The following SLC4A7 variants were observed in gnomAD, a reference collection of about 807,000 sequenced individuals.
SLC4A7 encodes solute carrier family 4 member 7.
Under a neutral mutation model 137.6 loss-of-function variants are expected in SLC4A7, and 51 were observed. The observed-to-expected ratio is 0.37, with a 90% CI of 0.30 to 0.47. The LOEUF (loss-of-function observed/expected upper bound fraction) is 0.47, where lower values mean the gene tolerates loss of function less well. Among genes scored for constraint, SLC4A7 ranks in the 20% least tolerant of loss-of-function variants. SLC4A7 has a pLI of 1.00. For synonymous variants in SLC4A7, 542 were observed against 518.6 expected (o/e 1.05, Z -0.61); for missense variants, 1,247 against 1,525.4 (o/e 0.82, Z 3.04).
chr3:27,414,493 G>A (rs2054200401), intron 11 of SLC4A7, among the ~76,000 whole-genome samples: 1 of 152,062 alleles, frequency 6.6e-6, no homozygotes, highest in Admixed American at 6.5e-5. Context: ...CAGTAAGCTA[G>A]CGAAAAGAAA....
intron 1 of SLC4A7, among the ~76,000 whole-genome samples, chr3:27,460,026 T>C (rs965622250): frequency 4.0e-5 from 6 of 149,962 alleles, no homozygotes; most frequent in African/African-American, 1.2e-4. Context: ...TATATACACA[T>C]ATATATATAT....
chr3:27,398,285 A>G lies in SLC4A7; in HGVS notation c.2496T>C (p.Asp832=), dbSNP rs372420522. ...ACGHHGPYIP[D]VLFWCVILFF... is the part of the protein sequence containing the mutation. ...ACAAGATGACACACCAAAAGAGCACATCTGGAATATAAGGTCCATGATGAC... is the reference window on the plus strand; with the variant it reads ...ACAAGATGACACACCAAAAGAGCACGTCTGGAATATAAGGTCCATGATGAC... The change falls in exon 17 of 26, where the codon GAT becomes GAC. Residue 832 remains aspartate (D), a synonymous_variant. Transcript: ENST00000454389. 1.1e-5 allele frequency: 18 copies of G among 1,613,408 alleles called. No individual in the cohort carries two copies. The African/African-American group carries it at 1.7e-4, about 16-fold the overall frequency.
At chr3:27,483,744 G>C (rs980932876) in intron 1 of SLC4A7, among the ~76,000 whole-genome samples, 4 of 152,128 alleles carry the variant, frequency 2.6e-5, no homozygotes, top group African/African-American at 9.6e-5. Context: ...GGCGAGCGCT[G>C]AGGGAAGGGA....
At chr3:27,413,590 T>C (rs890757120) in intron 11 of SLC4A7, among the ~76,000 whole-genome samples, 3 of 152,196 alleles carry the variant, frequency 2.0e-5, no homozygotes, top group Non-Finnish European at 2.9e-5. Context: ...TTTACCATAA[T>C]AATTGATAAA....
intron 21 of SLC4A7, among the ~76,000 whole-genome samples, chr3:27,390,717 T>C (rs2051452684): frequency 1.3e-5 from 2 of 152,200 alleles, no homozygotes; most frequent in South Asian, 4.1e-4. Flanking sequence ...TAAAGATGTT[T>C]TCCTGCCACT....
At position 27,383,257 on chromosome 3, in the gene SLC4A7, AAC is replaced by A. The variant is rs767236346; in HGVS notation, c.3493-9_3493-8del. On this transcript the variant is annotated splice_region_variant and splice_polypyrimidine_tract_variant and intron_variant, in intron 23 of 25. Transcript: ENST00000454389. Reference sequence around the variant, plus strand: ...GAAGCATCCGTTCAGCTTCCTTTATAACACATGTGTGAAGAGGTTACTTTTCC... The same window carrying A: ...GAAGCATCCGTTCAGCTTCCTTTATAACATGTGTGAAGAGGTTACTTTTCC... The A allele has an allele frequency of 1.3e-6, 2 of 1,571,510 alleles. No homozygotes were observed. Among genetic ancestry groups the A allele is most frequent in the Non-Finnish European group, 1.8e-6 (2 of 1,142,764 alleles).
Position 27,408,247 on chromosome 3 carries a change from T to C in SLC4A7, c.1941+1109A>G, listed in dbSNP as rs942725794. Among the ~76,000 whole-genome samples the C allele has an allele frequency of 9.8e-5, 15 of 152,288 alleles. No individual in the cohort carries two copies. In the South Asian group the frequency reaches 3.1e-3, roughly 32 times the overall value. ...ATTGTCACATGTACAAGATATCAAATAGCAAGATTAGATGGGCAGGTAATG... is the reference window on the plus strand; with the variant it reads ...ATTGTCACATGTACAAGATATCAAACAGCAAGATTAGATGGGCAGGTAATG... On this transcript the variant is annotated intron_variant, in intron 13 of 25. Transcript: ENST00000454389.
intron 7 of SLC4A7, among the ~76,000 whole-genome samples, chr3:27,428,940 G>C (rs1001371516): frequency 6.6e-6 from 1 of 152,112 alleles, no homozygotes; most frequent in African/African-American, 2.4e-5. Flanking sequence ...GTCAACATAA[G>C]GATAAACCAA....
chr3:27,481,747 T>C (rs1268042414), intron 1 of SLC4A7, among the ~76,000 whole-genome samples: 1 of 152,166 alleles, frequency 6.6e-6, no homozygotes, highest in Non-Finnish European at 1.5e-5. Flanking sequence ...ACTTAGGAGG[T>C]TTACCCTTCT....
chr3:27,418,810 T>C (rs2054642952), intron 10 of SLC4A7, among the ~76,000 whole-genome samples, 178 bp from the exon 11 acceptor site: 1 of 152,170 alleles, frequency 6.6e-6, no homozygotes, highest in African/African-American at 2.4e-5. Flanking sequence ...CACTCAGTAT[T>C]ATCAGATGAA....
At chr3:27,451,482 A>G (rs925613683) in intron 2 of SLC4A7, among the ~76,000 whole-genome samples, 1 of 152,010 alleles carries the variant, frequency 6.6e-6, no homozygotes, top group East Asian at 1.9e-4. Flanking sequence ...AATAACCATA[A>G]CCTCCACCTA....
intron 1 of SLC4A7, chr3:27,456,606 A>C: frequency 7.6e-7 from 1 of 1,308,284 alleles, no homozygotes; most frequent in South Asian, 1.2e-5. Context: ...ACTCTGATTC[A>C]AATTCGTTTG....
chr3:27,410,580 C>T (rs2053807200), intron 12 of SLC4A7, among the ~76,000 whole-genome samples: 1 of 152,034 alleles, frequency 6.6e-6, no homozygotes, highest in Admixed American at 6.6e-5. Context: ...AAAAAAGGTG[C>T]CATCAATAAT....
intron 1 of SLC4A7, among the ~76,000 whole-genome samples, chr3:27,453,399 G>A (rs2058208236): frequency 1.3e-5 from 2 of 152,188 alleles, no homozygotes; most frequent in Admixed American, 6.5e-5. Context: ...CAGATCACCT[G>A]AGGTCGGAGT....
chr3:27,441,769 C>T (rs113602328), intron 3 of SLC4A7, among the ~76,000 whole-genome samples: 1,777 of 152,148 alleles, frequency 0.012, 11 homozygotes, highest in South Asian at 0.02. Flanking sequence ...TACAGGCATG[C>T]GTCAACATGT....
chr3:27,428,864 A>C (rs901795876), intron 7 of SLC4A7, among the ~76,000 whole-genome samples: 2 of 152,248 alleles, frequency 1.3e-5, no homozygotes, highest in Non-Finnish European at 2.9e-5. Context: ...ATAATTAAAA[A>C]GAAAAGTTAC....
At chr3:27,458,021 A>G (rs4973775) in intron 1 of SLC4A7, among the ~76,000 whole-genome samples, 140,776 of 152,186 alleles carry the variant, frequency 0.93, 65,238 homozygotes, top group East Asian at 1. Flanking sequence ...ATGGTGTTCC[A>G]TGAAAATAAC....
At chr3:27,406,666 C>T (rs777404676) in intron 13 of SLC4A7, among the ~76,000 whole-genome samples, 18 of 152,130 alleles carry the variant, frequency 1.2e-4, no homozygotes, top group South Asian at 4.1e-4. Context: ...CCATGGCTCA[C>T]GCCTATAACA....
At chr3:27,414,238 C>A (rs1054047253) in intron 11 of SLC4A7, among the ~76,000 whole-genome samples, 2 of 152,110 alleles carry the variant, frequency 1.3e-5, no homozygotes, top group Non-Finnish European at 2.9e-5. Context: ...TGAGATCTTG[C>A]CATTGCACTC....
Sources: allele counts gnomAD v4.1 joint callset (sites outside exome capture counted in the v4.1 genomes callset), GRCh38; gene constraint gnomAD v4.1.1; transcripts MANE v1.5; gene names NCBI Gene and HGNC (gene_info 2026-07-23, HGNC 2026-07-21).